Variants in ANK2 observed in about 807,000 individuals in gnomAD.
The protein encoded by ANK2 is ankyrin-2.
ANK2 carries 83 observed loss-of-function variants against 360.5 expected under a neutral mutation model. That is an observed-to-expected ratio of 0.23 (90% CI 0.19 to 0.28). The LOEUF is 0.28. ANK2 is among the 10% of genes least tolerant of loss of function. ANK2 has a pLI of 1.00. For synonymous variants in ANK2, 1,740 were observed against 1,759.5 expected, an observed-to-expected ratio of 0.99 and a Z score of 0.28; for missense variants, 4,201 against 4,795.7, an observed-to-expected ratio of 0.88 and a Z score of 3.66.
intron 2 of ANK2, among the ~76,000 whole-genome samples, chr4:112,998,772 C>T (rs2049553865): frequency 6.6e-6 from 1 of 152,150 alleles, no homozygotes; most frequent in African/African-American, 2.4e-5. Flanking sequence ...CTAAAATAAG[C>T]ATATAGTACA....
intron 2 of ANK2, among the ~76,000 whole-genome samples, chr4:112,921,548 A>C (rs778742781): frequency 1.3e-4 from 20 of 152,092 alleles, no homozygotes; most frequent in Non-Finnish European, 4.4e-5. Context: ...ATCATAGCAC[A>C]CTACAACCTC....
chr4:112,823,428 G>C (rs939356294), intron 1 of ANK2, among the ~76,000 whole-genome samples: 1 of 152,082 alleles, frequency 6.6e-6, no homozygotes, highest in Non-Finnish European at 1.5e-5. Flanking sequence ...CCCTCTAAAT[G>C]GTTACTTATT....
the ANK2 span, among the ~76,000 whole-genome samples, chr4:112,790,268 G>C: frequency 6.6e-6 from 1 of 152,154 alleles, no homozygotes; most frequent in South Asian, 2.1e-4. Context: ...GAAGGAATTA[G>C]TGGATTCTTT....
intron 2 of ANK2, among the ~76,000 whole-genome samples, chr4:113,040,777 A>G: frequency 1.3e-5 from 2 of 152,062 alleles, no homozygotes; most frequent in East Asian, 1.9e-4. Flanking sequence ...GTGAGGTGGC[A>G]TGAGTCCTGG....
chr4:112,807,939 C>A, the ANK2 span, among the ~76,000 whole-genome samples: 1 of 151,998 alleles, frequency 6.6e-6, no homozygotes, highest in Non-Finnish European at 1.5e-5. Context: ...AATGATAAAC[C>A]AATATTGAAA....
chr4:113,354,614 C>T lies in ANK2; in HGVS notation c.5996C>T (p.Ser1999Leu). 1.2e-6 allele frequency: 2 copies of T among 1,613,756 alleles called. No homozygotes were observed. The highest frequency in any genetic ancestry group is 2.7e-5 in the African/African-American group (2 of 74,938). The change falls in exon 38 of 46, where the codon TCA (serine) becomes TTA (leucine). Residue 1999 changes from serine (S) to leucine (L), a missense_variant. Ser to Leu is a moderately radical substitution (Grantham distance 145). This residue lies in a region of ANK2 where 2,642 missense variants were observed against 2,714.5 expected (regional missense o/e 0.97). Transcript: ENST00000357077. ...CGGGAGCTGATGAAGGCTTTCCAGT[C>T]AGGTCAGGACCCTTCTAAACATAAA... The part of the protein sequence containing the change: ...SVRELMKAFQ[S>L]GQDPSKHKTG...
At chr4:112,922,944 A>T (rs2091870167) in intron 2 of ANK2, among the ~76,000 whole-genome samples, 1 of 152,168 alleles carries the variant, frequency 6.6e-6, no homozygotes, top group African/African-American at 2.4e-5. Context: ...ACTGTGTCTT[A>T]AAAGAAAAGA....
intron 5 of ANK2, 58 bp downstream of exon 5, chr4:113,232,317 T>C (rs1449817259): frequency 7.7e-7 from 1 of 1,291,548 alleles, no homozygotes; most frequent in Non-Finnish European, 1.1e-6. Flanking sequence ...ATATTCTTTA[T>C]ATCAGGCTGC....
chr4:113,237,938 T>G (rs2099396417), intron 7 of ANK2, among the ~76,000 whole-genome samples: 1 of 152,234 alleles, frequency 6.6e-6, no homozygotes, highest in South Asian at 2.1e-4. Flanking sequence ...TGATTTTATT[T>G]CCTTAATGAG....
chr4:112,812,610 G>T, the ANK2 span, among the ~76,000 whole-genome samples: 147 of 152,344 alleles, frequency 9.6e-4, no homozygotes, highest in Middle Eastern at 3.4e-3. Flanking sequence ...GTGCTCAAAT[G>T]ATGCTAAGTG....
chr4:113,346,146 G>T, intron 35 of ANK2, 124 bp downstream of exon 35: 1 of 1,102,860 alleles, frequency 9.1e-7, no homozygotes, highest in South Asian at 1.3e-5. Context: ...CTAATAAAAT[G>T]AATACCAACA....
chr4:113,174,272 T>C (rs28503757), intron 1 of ANK2, 144 bp from the exon 2 acceptor site: 1 of 639,250 alleles, frequency 1.6e-6, no homozygotes, highest in Non-Finnish European at 2.9e-6. Flanking sequence ...TAGTGAATGA[T>C]TATTCAATGT....
chr4:113,117,123 A>T (rs1007432092), intron 1 of ANK2: 5 of 367,692 alleles, frequency 1.4e-5, no homozygotes, highest in African/African-American at 2.1e-5. Flanking sequence ...CTGGAGCAAG[A>T]TTATGACCTA....
At chr4:113,320,490 A>G (rs978905590) in intron 26 of ANK2, among the ~76,000 whole-genome samples, 1 of 152,080 alleles carries the variant, frequency 6.6e-6, no homozygotes, top group Non-Finnish European at 1.5e-5. Context: ...CATCTCTACT[A>G]AAAATACAAA....
chr4:113,021,530 C>CCCCCCCACACACA (rs1554056650), intron 2 of ANK2, among the ~76,000 whole-genome samples: 1 of 13,094 alleles, frequency 7.6e-5, no homozygotes, highest in African/African-American at 2.3e-4. Flanking sequence ...ACACACACAC[C>CCCCCCCACACACA]CACACACAAA....
Position 113,282,870 on chromosome 4 carries a change from A to G in ANK2, c.2077A>G (p.Lys693Glu). Residue 693 changes from lysine to glutamate, a missense_variant and splice_region_variant, in exon 18 of 46, where the codon AAG becomes GAG. Physicochemically the swap from Lys to Glu is moderately conservative, Grantham distance 56. Around this residue, in one of 4 missense-constraint regions of ANK2, gnomAD observed 1,268 missense variants for 1,650.8 expected, o/e 0.77. Transcript: ENST00000357077. ...DKGANIHMST[K>E]SGLTSLHLAA... ...GGGAGCCAATATCCACATGTCAACT[A>G]AGGTATTCTGTCCTTTCTTGCATCA... The G allele has an allele frequency of 6.2e-7, 1 of 1,613,910 alleles. No individual in the cohort carries two copies. Among genetic ancestry groups the G allele is most frequent in the Non-Finnish European group, 8.5e-7 (1 of 1,179,888 alleles).
At chr4:112,833,471 T>G (rs1193988783) in intron 1 of ANK2, among the ~76,000 whole-genome samples, 2 of 152,080 alleles carry the variant, frequency 1.3e-5, no homozygotes, top group African/African-American at 4.8e-5. Flanking sequence ...CCTAGGTGCC[T>G]ATATATTTTT....
intron 1 of ANK2, among the ~76,000 whole-genome samples, chr4:113,169,136 A>G (rs1302418160): frequency 6.6e-6 from 1 of 152,192 alleles, no homozygotes; most frequent in Non-Finnish European, 1.5e-5. Flanking sequence ...ATATAAAACA[A>G]ACTCAGTAAG....
At chr4:113,374,913 T>C in intron 45 of ANK2, 1 of 1,230,984 alleles carries the variant, frequency 8.1e-7, no homozygotes, top group South Asian at 1.4e-5. Context: ...GTTTAGCCAC[T>C]GATCTTCCTT....
Sources: gnomAD v4.1 joint callset for allele counts (sites outside exome capture counted in the v4.1 genomes callset) on GRCh38, gnomAD v4.1.1 for gene constraint, gnomAD v4.1.1 regional missense constraint, MANE v1.5 for transcripts, NCBI Gene and HGNC (gene_info 2026-07-23, HGNC 2026-07-21) for gene names.